The following FMN2 variants were observed in gnomAD, a reference collection of about 807,000 sequenced individuals.
FMN2 encodes formin-2.
FMN2 carries 51 observed loss-of-function variants against 142.3 expected under a neutral mutation model. The ratio of observed to expected loss-of-function variants is 0.36; its 90% confidence interval spans 0.29 to 0.45. The LOEUF (loss-of-function observed/expected upper bound fraction) is 0.45. Ranked by LOEUF, FMN2 falls within the 20% of genes least tolerant of loss-of-function variation. FMN2 has a pLI of 1.00. For missense variants in FMN2, 1,936 were observed against 2,122.8 expected, an observed-to-expected ratio of 0.91 and a Z score of 1.73; for synonymous variants, 882 against 869.8, an observed-to-expected ratio of 1.01 and a Z score of -0.25.
Position 240,330,537 on chromosome 1 carries a change from C to T in FMN2, c.4438-66C>T, listed in dbSNP as rs936788806. On this transcript the variant is annotated intron_variant, in intron 10 of 17. Transcript: ENST00000319653. The stretch of plus-strand genomic sequence containing the variant: ...ATATAATATAAATAGCTGGCATCAA[C>T]TCGATGATTCAAACAAAACCTGGTA... The T allele has an allele frequency of 3.6e-5, 56 of 1,543,386 alleles. No individual in the cohort carries two copies. The South Asian group carries it at 6.0e-4, about 17-fold the overall frequency.
intron 3 of FMN2, among the ~76,000 whole-genome samples, chr1:240,182,682 A>C (rs1665200083): frequency 6.6e-6 from 1 of 152,214 alleles, no homozygotes; most frequent in Admixed American, 6.5e-5. Context: ...AGCTGAGATA[A>C]GACAGCCAAG....
At chr1:240,385,411 A>G (rs1673373789) in intron 14 of FMN2, among the ~76,000 whole-genome samples, 1 of 152,204 alleles carries the variant, frequency 6.6e-6, no homozygotes, top group Admixed American at 6.5e-5. Flanking sequence ...TTAGCAAAGA[A>G]AAAGGAAAGG....
At chr1:240,150,596 T>C (rs1483596493) in intron 2 of FMN2, among the ~76,000 whole-genome samples, 2 of 152,182 alleles carry the variant, frequency 1.3e-5, no homozygotes, top group Non-Finnish European at 2.9e-5. Context: ...TGGTTTTGTT[T>C]CTCAACTCTT....
At chr1:240,405,900 A>T (rs946276770) in intron 15 of FMN2, among the ~76,000 whole-genome samples, 1 of 152,210 alleles carries the variant, frequency 6.6e-6, no homozygotes, top group Non-Finnish European at 1.5e-5. Flanking sequence ...GTTACAAAGG[A>T]TCAATTCAAT....
At chr1:240,300,827 CTT>C (rs1222938623) in intron 8 of FMN2, among the ~76,000 whole-genome samples, 1 of 149,848 alleles carries the variant, frequency 6.7e-6, no homozygotes, top group Non-Finnish European at 1.5e-5. Flanking sequence ...TAGTAATACT[CTT>C]TGTCTTGACG....
chr1:240,397,207 C>A (rs1387460251), intron 15 of FMN2, among the ~76,000 whole-genome samples: 4 of 152,086 alleles, frequency 2.6e-5, no homozygotes, highest in Non-Finnish European at 5.9e-5. Flanking sequence ...TGATGATTAG[C>A]GATGTTGAGC....
chr1:240,226,837 C>T (rs998836192), intron 6 of FMN2, among the ~76,000 whole-genome samples: 1 of 149,040 alleles, frequency 6.7e-6, no homozygotes, highest in South Asian at 2.1e-4. Context: ...CACACACATA[C>T]ACACACACAC....
At chr1:240,447,199 AG>A (rs1675851917) in intron 16 of FMN2, among the ~76,000 whole-genome samples, 2 of 152,164 alleles carry the variant, frequency 1.3e-5, no homozygotes, top group Non-Finnish European at 1.5e-5. Context: ...AGCTGTAATG[AG>A]ACGTTAAGCT....
chr1:240,251,236 G>C (rs1668268102), intron 6 of FMN2, among the ~76,000 whole-genome samples: 1 of 151,736 alleles, frequency 6.6e-6, no homozygotes, highest in South Asian at 2.1e-4. Flanking sequence ...TTTAGTACTA[G>C]TTTTGTTGTA....
chr1:240,303,537 GA>G (rs1670278669), intron 8 of FMN2, among the ~76,000 whole-genome samples: 2 of 152,138 alleles, frequency 1.3e-5, no homozygotes, highest in South Asian at 4.1e-4. Flanking sequence ...GATTCTTATT[GA>G]GCATTTCTTG....
chr1:240,373,934 C>T (rs1437525326), intron 14 of FMN2, among the ~76,000 whole-genome samples: 2 of 152,142 alleles, frequency 1.3e-5, no homozygotes, highest in Non-Finnish European at 2.9e-5. Flanking sequence ...ATAGCCTTAC[C>T]AAATATATTT....
intron 14 of FMN2, among the ~76,000 whole-genome samples, chr1:240,372,273 T>A (rs951221681): frequency 6.6e-6 from 1 of 152,146 alleles, no homozygotes; most frequent in Non-Finnish European, 1.5e-5. Context: ...ATCTAACTCA[T>A]ATGGCAAATG....
At chr1:240,290,627 G>T (rs141083250) in intron 7 of FMN2, among the ~76,000 whole-genome samples, 2 of 152,166 alleles carry the variant, frequency 1.3e-5, no homozygotes. Flanking sequence ...AAGTCTCAGA[G>T]AAGTTTAGTG....
In FMN2 at chr1:240,123,354, G is replaced by T; in HGVS notation, c.1782+9G>T. 1 of 1,611,542 alleles carries T rather than the reference G, an allele frequency of 6.2e-7. No individual in the cohort carries two copies. Among genetic ancestry groups the T allele is most frequent in the East Asian group, 2.2e-5 (1 of 44,828 alleles). On this transcript the variant is annotated intron_variant, in intron 2 of 17. Coordinates refer to ENST00000319653, the MANE Select transcript of FMN2 (RefSeq NM_020066.5). Reference sequence around the variant, plus strand: ...ATGCAGCTTCGTTTGATGTAAGTAGGAGAATTCACTTCTGTCCGTGAGGCA... The same window carrying T: ...ATGCAGCTTCGTTTGATGTAAGTAGTAGAATTCACTTCTGTCCGTGAGGCA...
In FMN2 at chr1:240,093,348, C is replaced by T; in HGVS notation, c.1239C>T (p.Leu413=). The change falls in exon 1 of 18, where the codon CTC becomes CTT. Residue 413 remains leucine, a synonymous_variant. Coordinates refer to ENST00000319653, the MANE Select transcript of FMN2 (RefSeq NM_020066.5). ...PSQRCFKPYP[L]ITPCYIKTTT... is the part of the protein sequence containing the mutation. ...AGCGCTGTTTCAAGCCCTACCCGCT[C>T]ATCACCCCCTGCTACATCAAGACCA... The T allele has an allele frequency of 1.2e-6, 2 of 1,613,176 alleles. No individual in the cohort carries two copies. Among genetic ancestry groups the T allele is most frequent in the Non-Finnish European group, 1.7e-6 (2 of 1,179,604 alleles).
chr1:240,166,236 A>G (rs1399480961), intron 2 of FMN2, among the ~76,000 whole-genome samples: 1 of 150,070 alleles, frequency 6.7e-6, no homozygotes, highest in Admixed American at 6.7e-5. Context: ...ATTATTATTA[A>G]TTTTTTTTTG....
chr1:240,428,616 AAC>A (rs1326702314), intron 15 of FMN2, among the ~76,000 whole-genome samples: 1 of 152,110 alleles, frequency 6.6e-6, no homozygotes, highest in African/African-American at 2.4e-5. Context: ...GTTCATTTTG[AAC>A]AGTTTTTTTC....
intron 15 of FMN2, among the ~76,000 whole-genome samples, chr1:240,421,075 C>A (rs989110390): frequency 7.9e-5 from 12 of 152,120 alleles, no homozygotes; most frequent in Non-Finnish European, 1.0e-4. Context: ...CCAAAGTCCC[C>A]TTTAGAGGAG....
intron 1 of FMN2, among the ~76,000 whole-genome samples, chr1:240,118,072 T>C (rs1018603161): frequency 2.6e-5 from 4 of 152,072 alleles, no homozygotes; most frequent in African/African-American, 9.7e-5. Flanking sequence ...GCAAAAGTCT[T>C]CATGGTGAGA....
Sources: gnomAD v4.1 joint callset for allele counts (sites outside exome capture counted in the v4.1 genomes callset) on GRCh38, gnomAD v4.1.1 for gene constraint, MANE v1.5 for transcripts, NCBI Gene and HGNC (gene_info 2026-07-23, HGNC 2026-07-21) for gene names.